Variants in RHOA observed in about 807,000 individuals in gnomAD.
RHOA encodes the protein transforming protein RhoA.
RHOA carries 3 observed loss-of-function variants against 17.5 expected under a neutral mutation model. The observed-to-expected ratio is 0.17, with a 90% CI of 0.08 to 0.44. The LOEUF (loss-of-function observed/expected upper bound fraction) is 0.44. Ranked by LOEUF, RHOA falls within the 20% of genes least tolerant of loss-of-function variation. The pLI is 0.99. For missense variants in RHOA, 56 were observed against 242.3 expected, an observed-to-expected ratio of 0.23 and a Z score of 5.10; for synonymous variants, 98 against 88.4, an observed-to-expected ratio of 1.11 and a Z score of -0.61.
intron 1 of RHOA, among the ~76,000 whole-genome samples, chr3:49,404,422 G>A (rs1242866427): frequency 1.2e-3 from 9 of 7,486 alleles, no homozygotes; most frequent in Middle Eastern, 0.17. Context: ...GTAAAACCCC[G>A]TCTCTAGTAA....
intron 3 of RHOA, among the ~76,000 whole-genome samples, chr3:49,363,287 G>A (rs186793487): frequency 2.6e-5 from 4 of 152,212 alleles, no homozygotes; most frequent in African/African-American, 9.6e-5. Context: ...GGGTGTAGTG[G>A]TGGGCACCTG....
At chr3:49,390,079 A>G (rs964272254) in intron 1 of RHOA, among the ~76,000 whole-genome samples, 3 of 151,816 alleles carry the variant, frequency 2.0e-5, no homozygotes, top group African/African-American at 7.3e-5. Context: ...GTCCCCGTCC[A>G]TCTATAATAC....
intron 1 of RHOA, among the ~76,000 whole-genome samples, chr3:49,397,060 G>A (rs1025853710): frequency 5.3e-5 from 8 of 151,336 alleles, no homozygotes; most frequent in Non-Finnish European, 1.2e-4. Context: ...GGCCCAGGAG[G>A]GCAAAGTGGC....
At chr3:49,396,776 C>T (rs188489014) in intron 1 of RHOA, among the ~76,000 whole-genome samples, 8 of 152,054 alleles carry the variant, frequency 5.3e-5, no homozygotes, top group South Asian at 4.1e-4. Context: ...TGCTTAAGCA[C>T]GAGTTCAACA....
At chr3:49,366,755 A>G (rs1026986279) in intron 3 of RHOA, 5 of 152,366 alleles carry the variant, frequency 3.3e-5, no homozygotes, top group South Asian at 2.1e-4. Context: ...AAGTGGCTCA[A>G]TATCTTGGAG....
chr3:49,385,150 C>T (rs1418700274), intron 1 of RHOA, among the ~76,000 whole-genome samples: 1 of 151,822 alleles, frequency 6.6e-6, no homozygotes, highest in Non-Finnish European at 1.5e-5. Flanking sequence ...TCAAGTGATT[C>T]TCCCGTGTTG....
intron 1 of RHOA, among the ~76,000 whole-genome samples, chr3:49,403,747 T>G (rs975560109): frequency 1.3e-5 from 2 of 151,888 alleles, no homozygotes; most frequent in Non-Finnish European, 2.9e-5. Flanking sequence ...AACAAAAAAA[T>G]TATCAAACTA....
intron 3 of RHOA, among the ~76,000 whole-genome samples, chr3:49,366,261 C>T (rs976079079): frequency 1.3e-5 from 2 of 152,124 alleles, no homozygotes; most frequent in Non-Finnish European, 2.9e-5. Context: ...TCTGCCCAGC[C>T]TCCAGGGCCT....
At chr3:49,407,232 GTTTTT>G (rs61556875) in intron 1 of RHOA, among the ~76,000 whole-genome samples, 10 of 70,016 alleles carry the variant, frequency 1.4e-4, no homozygotes, top group Admixed American at 2.3e-4. Flanking sequence ...AATCCTTTCC[GTTTTT>G]TTTTTTTTTT....
rs2107849132 is a variant in RHOA at position 49,375,447 on chromosome 3, A to T, written c.143T>A (p.Val48Glu). 6.2e-7 allele frequency: 1 copy of T among 1,610,524 alleles called. No homozygotes were observed. The highest frequency in any genetic ancestry group is 8.5e-7 in the Non-Finnish European group (1 of 1,178,740). ...AAGTATACTCACCTGCTTTCCATCC[A>T]CCTCGATATCTGCCACATAGTTCTC... ...VFENYVADIEVDGKQVELALW... is the reference protein window; with the variant it reads ...VFENYVADIEEDGKQVELALW... The change falls in exon 2 of 5, where the codon GTG becomes GAG. Residue 48 changes from valine to glutamate, a missense_variant. Around this residue, in one of 2 missense-constraint regions of RHOA, gnomAD observed 17 missense variants for 156.3 expected, o/e 0.11. Transcript: ENST00000418115.
chr3:49,395,702 G>A (rs1193543392), intron 1 of RHOA, among the ~76,000 whole-genome samples: 1 of 151,980 alleles, frequency 6.6e-6, no homozygotes, highest in African/African-American at 2.4e-5. Flanking sequence ...AACAGAGCGA[G>A]ACTCTGTCTC....
At position 49,368,565 on chromosome 3, in the gene RHOA, AACC is replaced by A. The variant is rs2048095703; in HGVS notation, c.157-20_157-18del. On this transcript the variant is annotated intron_variant, in intron 2 of 4. Coordinates refer to ENST00000418115, the MANE Select transcript of RHOA (RefSeq NM_001664.4). Reference sequence around the variant, plus strand: ...CAACTCTACCTGTAATGGGAAAAACAACCACAAGAGTGCAAGGTTAATCCCCCC... The same window carrying A: ...CAACTCTACCTGTAATGGGAAAAACAACAAGAGTGCAAGGTTAATCCCCCC... 6.2e-7 allele frequency: 1 copy of A among 1,613,902 alleles called. No homozygotes were observed.
intron 1 of RHOA, among the ~76,000 whole-genome samples, chr3:49,394,443 C>T (rs918121427): frequency 1.3e-5 from 2 of 152,154 alleles, no homozygotes; most frequent in African/African-American, 2.4e-5. Flanking sequence ...CTCCACCTCC[C>T]GGGTTCCACC....
rs891347230 is a variant in RHOA, at chr3:49,359,333, G to A, written c.*876C>T. The A allele has an allele frequency of 1.1e-5, 2 of 190,084 alleles. No homozygotes were observed. Among genetic ancestry groups the A allele is most frequent in the African/African-American group, 4.7e-5 (2 of 42,828 alleles). The allele number at this position is 190,084 out of a possible 1,614,324, so 11.8% of individuals were successfully genotyped here. On this transcript the variant is annotated 3_prime_UTR_variant, in exon 5 of 5. Transcript: ENST00000418115. Reference sequence around the variant, plus strand: ...TAGAGCCAGATGCTTAAGTCCAGGTGAGACAGGTTATGCCATCTTCCAAAG... The same window carrying A: ...TAGAGCCAGATGCTTAAGTCCAGGTAAGACAGGTTATGCCATCTTCCAAAG...
At chr3:49,392,012 G>C (rs2048519926) in intron 1 of RHOA, among the ~76,000 whole-genome samples, 1 of 151,548 alleles carries the variant, frequency 6.6e-6, no homozygotes, top group South Asian at 2.1e-4. Context: ...ATTTTTAGTA[G>C]AGACAGGGTT....
chr3:49,359,990 G>A lies in RHOA; in HGVS notation c.*219C>T. 2.1e-6 allele frequency: 1 copy of A among 474,546 alleles called. No individual in the cohort carries two copies. Among genetic ancestry groups the A allele is most frequent in the Non-Finnish European group, 3.7e-6 (1 of 270,094 alleles). 29.4% of individuals were successfully genotyped at this position (474,546 alleles called of 1,614,324 possible). The stretch of plus-strand genomic sequence containing the variant: ...TGGTGTGTCAGGTGGGAGTGCAGAG[G>A]AGGGCTGTTAGAGCAGTGTCAAAAG... On this transcript the variant is annotated 3_prime_UTR_variant, in exon 5 of 5. Transcript: ENST00000418115.
chr3:49,397,473 T>C (rs1324220537), intron 1 of RHOA, among the ~76,000 whole-genome samples: 1 of 152,314 alleles, frequency 6.6e-6, no homozygotes, highest in East Asian at 1.9e-4. Context: ...ATATGAATTA[T>C]ATCTCAGTAA....
At chr3:49,362,866 G>A (rs939170736) in intron 3 of RHOA, among the ~76,000 whole-genome samples, 4 of 152,098 alleles carry the variant, frequency 2.6e-5, no homozygotes, top group Non-Finnish European at 5.9e-5. Flanking sequence ...CTGTAGGTGG[G>A]GCCCGAGTAA....
intron 2 of RHOA, chr3:49,373,119 G>A (rs918364787): frequency 5.1e-5 from 8 of 156,370 alleles, no homozygotes; most frequent in South Asian, 4.7e-4. Context: ...CAAGGCGGGC[G>A]GATCACCTGA....
Sources: allele counts gnomAD v4.1 joint callset (sites outside exome capture counted in the v4.1 genomes callset), GRCh38; gene constraint gnomAD v4.1.1; regional missense constraint gnomAD v4.1.1; transcripts MANE v1.5; gene names NCBI Gene and HGNC (gene_info 2026-07-23, HGNC 2026-07-21).